The following EFHC1 variants were observed in gnomAD, a reference collection of about 807,000 sequenced individuals.
EFHC1 encodes the protein EF-hand domain containing 1.
Under a neutral mutation model 69.9 loss-of-function variants are expected in EFHC1, and 53 were observed. The ratio of observed to expected loss-of-function variants is 0.76; its 90% CI spans 0.61 to 0.95. The LOEUF (loss-of-function observed/expected upper bound fraction) is 0.95. Ranked by LOEUF, EFHC1 falls within the 40% of genes least tolerant of loss-of-function variation. EFHC1 has a pLI of 0.00. For missense variants in EFHC1, 739 were observed against 798.7 expected, an observed-to-expected ratio of 0.93 and a Z score of 0.90; for synonymous variants, 256 against 278.4, an observed-to-expected ratio of 0.92 and a Z score of 0.80.
At chr6:52,465,904 G>C (rs1341433246) in intron 6 of EFHC1, among the ~76,000 whole-genome samples, 1 of 147,974 alleles carries the variant, frequency 6.8e-6, no homozygotes, top group Non-Finnish European at 1.5e-5. Flanking sequence ...ATATGATATT[G>C]GATATATATG....
chr6:52,468,250 A>G (rs1765354127), intron 6 of EFHC1: 1 of 152,266 alleles, frequency 6.6e-6, no homozygotes. Context: ...ATGTCCAGAC[A>G]GAAACTCTGG....
intron 2 of EFHC1, among the ~76,000 whole-genome samples, chr6:52,435,540 GT>G (rs1047298712): frequency 6.6e-6 from 1 of 152,144 alleles, no homozygotes; most frequent in Non-Finnish European, 1.5e-5. Context: ...CCAGCACTGG[GT>G]TTTCCTCAAC....
At chr6:52,491,738 C>T (rs759735161) in intron 10 of EFHC1, among the ~76,000 whole-genome samples, 6 of 152,200 alleles carry the variant, frequency 3.9e-5, no homozygotes, top group Non-Finnish European at 8.8e-5. Flanking sequence ...GAAGAGAGCT[C>T]CCTGCTTCTA....
intron 6 of EFHC1, 120 bp downstream of exon 6, chr6:52,465,235 T>A: frequency 1.2e-6 from 1 of 851,558 alleles, no homozygotes. Flanking sequence ...TGTAACACAG[T>A]AGTTCACAAA....
chr6:52,469,520 T>A (rs763353565), intron 7 of EFHC1, 47 bp downstream of exon 7: 1 of 1,607,748 alleles, frequency 6.2e-7, no homozygotes, highest in South Asian at 1.1e-5. Context: ...ATCTCAGTAC[T>A]GTGTACAATT....
chr6:52,420,374 A>T lies in EFHC1; in HGVS notation c.-37A>T, dbSNP rs1581806826. 1 of 1,614,034 alleles carries T rather than the reference A, an allele frequency of 6.2e-7. No homozygotes were observed. Among genetic ancestry groups the T allele is most frequent in the African/African-American group, 1.3e-5 (1 of 74,932 alleles). On this transcript the variant is annotated 5_prime_UTR_variant, in exon 1 of 11. Transcript: ENST00000371068. ...GTCGCCTGGGCAACCGGAGAGGACGAAGCAGGACCTAGGTGGCGGCGGTGG... is the reference window on the plus strand; with the variant it reads ...GTCGCCTGGGCAACCGGAGAGGACGTAGCAGGACCTAGGTGGCGGCGGTGG...
intron 2 of EFHC1, among the ~76,000 whole-genome samples, chr6:52,427,406 A>G (rs958902097): frequency 1.3e-5 from 2 of 152,132 alleles, no homozygotes; most frequent in African/African-American, 4.8e-5. Flanking sequence ...ATTCCAATTC[A>G]GGGCCTTTTT....
At position 52,494,603 on chromosome 6, in the gene EFHC1, G is replaced by C. The variant is rs1009882341; in HGVS notation, c.*2262G>C. On this transcript the variant is annotated 3_prime_UTR_variant, in exon 11 of 11. Transcript: ENST00000371068. ...CACCTTTTCTCTCTTTTTGGATTCA[G>C]GGGGTACATGTGCAGGTTTGTTACA... The C allele has an allele frequency of 6.6e-6, 3 of 453,948 alleles. No homozygotes were observed. Among genetic ancestry groups the C allele is most frequent in the African/African-American group, 6.0e-5 (3 of 50,000 alleles). 28.1% of individuals were successfully genotyped at this position (453,948 alleles called of 1,614,324 possible). A position where few individuals can be genotyped will look rare whatever the true frequency, so the allele number is the denominator to read the frequency against.
intron 8 of EFHC1, 40 bp downstream of exon 8, chr6:52,479,290 T>A: frequency 6.3e-7 from 1 of 1,599,938 alleles, no homozygotes; most frequent in Non-Finnish European, 8.6e-7. Flanking sequence ...ACTGGCTGCC[T>A]GAATGAGTTC....
At chr6:52,481,543 C>T (rs1389453380) in intron 9 of EFHC1, 1 of 138,048 alleles carries the variant, frequency 7.2e-6, no homozygotes, top group African/African-American at 2.9e-5. Flanking sequence ...TCTCTCTCGA[C>T]AGGATCTCGC....
rs60720755 is a variant in EFHC1, at chr6:52,493,386, T to TATATATATATATATATATA, written c.*1045_*1046insATATATATATATATATATA. On this transcript the variant is annotated 3_prime_UTR_variant, in exon 11 of 11. Transcript: ENST00000371068. ...TCTACATATATATATATATATATAT[T>TATATATATATATATATATA]TTATATGTACACATTCATACACACA... The TATATATATATATATATATA allele has an allele frequency of 8.2e-3, 995 of 120,924 alleles. 80 individuals carry two copies. Among genetic ancestry groups the TATATATATATATATATATA allele is most frequent in the African/African-American group, 0.035 (805 of 22,894 alleles). The allele number at this position is 120,924 out of a possible 1,614,324, so 7.5% of individuals were successfully genotyped here. A position where few individuals can be genotyped will look rare whatever the true frequency, so the allele number is the denominator to read the frequency against.
At chr6:52,420,712 C>T (rs1483627167) in intron 1 of EFHC1, among the ~76,000 whole-genome samples, 1 of 152,174 alleles carries the variant, frequency 6.6e-6, no homozygotes. Context: ...TTTTCCCACT[C>T]CATCTTGGCA....
chr6:52,427,402 A>G (rs1208365314), intron 2 of EFHC1, among the ~76,000 whole-genome samples: 1 of 152,072 alleles, frequency 6.6e-6, no homozygotes, highest in Non-Finnish European at 1.5e-5. Context: ...GAAAATTCCA[A>G]TTCAGGGCCT....
In EFHC1 at chr6:52,423,709, T is replaced by A. The variant is rs1320899203; in HGVS notation, c.64-237T>A. 11 of 691,828 alleles carry A rather than the reference T, an allele frequency of 1.6e-5. No individual in the cohort carries two copies. In the African/African-American group the frequency reaches 2.1e-4, roughly 13 times the overall value. 42.9% of individuals were successfully genotyped at this position (691,828 alleles called of 1,614,324 possible). On this transcript the variant is annotated intron_variant, in intron 1 of 10. Coordinates refer to ENST00000371068, the MANE Select transcript of EFHC1 (RefSeq NM_018100.4). ...TAGTTTTTGTAGAGACAGCATCTTG[T>A]TGCCCAGGCTGGTCTCGAACTCTGG...
At chr6:52,465,599 G>A (rs1765287184) in intron 6 of EFHC1, among the ~76,000 whole-genome samples, 1 of 151,922 alleles carries the variant, frequency 6.6e-6, no homozygotes, top group South Asian at 2.1e-4. Context: ...TTGAAGTCAG[G>A]AGTTCTAGAC....
At chr6:52,434,928 A>G (rs1459032907) in intron 2 of EFHC1, among the ~76,000 whole-genome samples, 1 of 152,000 alleles carries the variant, frequency 6.6e-6, no homozygotes, top group African/African-American at 2.4e-5. Flanking sequence ...ACAAGACCAT[A>G]TATATATGTG....
intron 1 of EFHC1, among the ~76,000 whole-genome samples, chr6:52,421,429 C>CT (rs1415819224): frequency 0.016 from 2,254 of 144,052 alleles, 47 homozygotes; most frequent in African/African-American, 0.051. Flanking sequence ...AGCTTGGATT[C>CT]TTTTTTTTTT....
At chr6:52,430,964 A>G (rs1764400813) in intron 2 of EFHC1, among the ~76,000 whole-genome samples, 1 of 151,956 alleles carries the variant, frequency 6.6e-6, no homozygotes. Flanking sequence ...TATCTACTCT[A>G]GTTTTCTAGT....
intron 9 of EFHC1, chr6:52,483,735 T>G (rs957867039): frequency 6.6e-6 from 1 of 152,218 alleles, no homozygotes; most frequent in Non-Finnish European, 1.5e-5. Flanking sequence ...GCCCTGTGTC[T>G]GAGCCGAGCC....
Sources: gnomAD v4.1 joint callset for allele counts (sites outside exome capture counted in the v4.1 genomes callset) on GRCh38, gnomAD v4.1.1 for gene constraint, MANE v1.5 for transcripts, NCBI Gene and HGNC (gene_info 2026-07-23, HGNC 2026-07-21) for gene names.